The following DOCK3 variants were observed in gnomAD, a reference collection of about 807,000 sequenced individuals.
DOCK3 encodes dedicator of cytokinesis 3.
DOCK3 carries 60 observed loss-of-function variants against 265.6 expected under a neutral mutation model. The ratio of observed to expected loss-of-function variants is 0.23; its 90% CI spans 0.18 to 0.28. The LOEUF (loss-of-function observed/expected upper bound fraction) is 0.28, where lower values mean the gene tolerates loss of function less well. DOCK3 is among the 10% of genes least tolerant of loss of function. DOCK3 has a pLI of 1.00. For missense variants in DOCK3, 1,981 were observed against 2,594.3 expected (o/e 0.76, Z 5.14); for synonymous variants, 881 against 938.0 (o/e 0.94, Z 1.11).
At chr3:51,316,215 C>T (rs1416706350) in intron 32 of DOCK3, among the ~76,000 whole-genome samples, 1 of 152,182 alleles carries the variant, frequency 6.6e-6, no homozygotes, top group African/African-American at 2.4e-5. Context: ...TGTGCCTTTT[C>T]TAGACTGTCA....
At chr3:51,283,456 G>C (rs935816274) in intron 27 of DOCK3, among the ~76,000 whole-genome samples, 2 of 152,164 alleles carry the variant, frequency 1.3e-5, no homozygotes, top group Admixed American at 1.3e-4. Context: ...GGCACACAAG[G>C]ACTTCCAGGG....
chr3:51,338,500 C>G, intron 36 of DOCK3, 81 bp downstream of exon 36: 1 of 1,474,384 alleles, frequency 6.8e-7, no homozygotes, highest in Non-Finnish European at 9.3e-7. Context: ...GGCCCTTCTA[C>G]AATACATGGC....
intron 2 of DOCK3, among the ~76,000 whole-genome samples, chr3:50,831,890 T>C (rs1458888604): frequency 1.3e-5 from 2 of 152,254 alleles, no homozygotes; most frequent in East Asian, 3.8e-4. Context: ...CTCTAGCATC[T>C]GTTGTTCCCT....
At chr3:50,966,483 G>GTTTTTTTT (rs140247895) in intron 5 of DOCK3, among the ~76,000 whole-genome samples, 1 of 116,904 alleles carries the variant, frequency 8.6e-6, no homozygotes, top group Non-Finnish European at 1.7e-5. Flanking sequence ...GTTATCTCTT[G>GTTTTTTTT]TTTTTTTTTT....
intron 1 of DOCK3, among the ~76,000 whole-genome samples, chr3:50,687,146 G>A (rs1432780202): frequency 3.3e-5 from 5 of 151,986 alleles, no homozygotes; most frequent in Non-Finnish European, 5.9e-5. Flanking sequence ...AACCCGGGAG[G>A]TGGAGGTTGC....
At chr3:51,060,781 G>A (rs2081382329) in intron 5 of DOCK3, among the ~76,000 whole-genome samples, 1 of 152,090 alleles carries the variant, frequency 6.6e-6, no homozygotes, top group Non-Finnish European at 1.5e-5. Flanking sequence ...GTACCATGCT[G>A]TTTTGGTTAC....
chr3:50,916,891 T>C (rs2050160054), intron 4 of DOCK3, among the ~76,000 whole-genome samples: 1 of 151,484 alleles, frequency 6.6e-6, no homozygotes, highest in South Asian at 2.1e-4. Context: ...TTGTTTTGGC[T>C]CCCTTTATGA....
At chr3:51,320,043 A>G (rs1306153137) in intron 32 of DOCK3, among the ~76,000 whole-genome samples, 2 of 152,134 alleles carry the variant, frequency 1.3e-5, no homozygotes, top group African/African-American at 2.4e-5. Flanking sequence ...AGATGGCCAA[A>G]TAGGAACAGC....
intron 3 of DOCK3, among the ~76,000 whole-genome samples, chr3:50,859,815 T>A (rs2046816484): frequency 6.6e-6 from 1 of 152,176 alleles, no homozygotes; most frequent in Non-Finnish European, 1.5e-5. Context: ...CTTGCTCAGT[T>A]GTGTGGCTCC....
intron 12 of DOCK3, among the ~76,000 whole-genome samples, chr3:51,194,404 T>G (rs1234607596): frequency 6.6e-6 from 1 of 152,240 alleles, no homozygotes; most frequent in Non-Finnish European, 1.5e-5. Flanking sequence ...TGTTCTGAAA[T>G]GTCAGTTAGC....
intron 1 of DOCK3, among the ~76,000 whole-genome samples, chr3:50,753,560 A>T (rs1344851345): frequency 6.6e-6 from 1 of 152,138 alleles, no homozygotes; most frequent in Non-Finnish European, 1.5e-5. Flanking sequence ...ACAGGGTCTC[A>T]CTATGTTGCA....
At chr3:51,301,018 G>A (rs1021881227) in intron 27 of DOCK3, among the ~76,000 whole-genome samples, 8 of 152,170 alleles carry the variant, frequency 5.3e-5, no homozygotes, top group African/African-American at 9.7e-5. Context: ...ATTCAGCTGT[G>A]AATCCATCTG....
At chr3:50,744,904 A>G (rs143055160) in intron 1 of DOCK3, among the ~76,000 whole-genome samples, 1 of 152,266 alleles carries the variant, frequency 6.6e-6, no homozygotes, top group African/African-American at 2.4e-5. Context: ...GCTCTTGATT[A>G]TATTTTATTG....
chr3:50,844,803 G>T (rs1053103881), intron 3 of DOCK3, among the ~76,000 whole-genome samples: 4 of 152,040 alleles, frequency 2.6e-5, no homozygotes, highest in African/African-American at 9.7e-5. Flanking sequence ...TGTTTTTTCT[G>T]CATACACTTC....
intron 1 of DOCK3, among the ~76,000 whole-genome samples, chr3:50,732,943 A>G (rs2038313696): frequency 1.3e-5 from 2 of 152,182 alleles, no homozygotes; most frequent in South Asian, 4.1e-4. Context: ...TGTAATCTCA[A>G]TATCCTACCA....
intron 3 of DOCK3, among the ~76,000 whole-genome samples, chr3:50,875,560 A>T (rs1371949916): frequency 3.3e-5 from 5 of 152,118 alleles, no homozygotes; most frequent in Admixed American, 2.0e-4. Context: ...TGAAATGATG[A>T]TATGGGTTTT....
At chr3:51,379,555 C>G (rs1250527926) in intron 51 of DOCK3, 1 of 985,374 alleles carries the variant, frequency 1.0e-6, no homozygotes, top group Non-Finnish European at 1.2e-6. Context: ...CAGTGCCTCC[C>G]CGAAGCCTGC....
Position 51,260,162 on chromosome 3 carries a change from G to A in DOCK3, c.2191G>A (p.Glu731Lys), listed in dbSNP as rs1223678396. The change falls in exon 23 of 53, where the codon GAG (glutamate) becomes AAG (lysine). Residue 731 changes from glutamate to lysine, a missense_variant. By Grantham distance (56) the Glu-to-Lys change is moderately conservative. Transcript: ENST00000266037. ...TTTCTCCCACACTTTTCAGGCCTTG[G>A]AGTACCTTTTCAAGTTCATTGTACA... ...DHIQEAMRAL[E>K]YLFKFIVQSR... is the part of the protein sequence containing the mutation. 6.2e-7 allele frequency: 1 copy of A among 1,612,482 alleles called. No individual in the cohort carries two copies. The highest frequency in any genetic ancestry group is 1.1e-5 in the South Asian group (1 of 90,864).
At chr3:50,940,313 A>G (rs1487254484) in intron 5 of DOCK3, among the ~76,000 whole-genome samples, 1 of 151,344 alleles carries the variant, frequency 6.6e-6, no homozygotes, top group African/African-American at 2.4e-5. Flanking sequence ...AAAAAGGAAG[A>G]AGGAAAACAA....
Sources: gnomAD v4.1 joint callset for allele counts (sites outside exome capture counted in the v4.1 genomes callset) on GRCh38, gnomAD v4.1.1 for gene constraint, MANE v1.5 for transcripts, NCBI Gene and HGNC (gene_info 2026-07-23, HGNC 2026-07-21) for gene names.